OPRL1: variants seen among roughly 807,000 people sequenced by gnomAD.
OPRL1 encodes nociceptin receptor.
In OPRL1, 5 loss-of-function variants were observed where a neutral mutation model predicts 15.5. The observed-to-expected ratio is 0.32, with a 90% confidence interval of 0.17 to 0.68. OPRL1 has a LOEUF of 0.68. OPRL1 is among the 30% of genes least tolerant of loss of function. OPRL1 has a pLI of 0.72. For missense variants in OPRL1, 406 were observed against 515.3 expected, an observed-to-expected ratio of 0.79 and a Z score of 2.05; for synonymous variants, 223 against 230.2, an observed-to-expected ratio of 0.97 and a Z score of 0.28.
intron 1 of OPRL1, among the ~76,000 whole-genome samples, chr20:64,084,591 C>A (rs1362111915): frequency 6.6e-6 from 1 of 152,218 alleles, no homozygotes; most frequent in Admixed American, 6.5e-5. Flanking sequence ...CTAGGTGACG[C>A]CTGGGGGACC....
rs1220948028 is a variant in OPRL1 at position 64,092,885 on chromosome 20, G to A, written c.165G>A (p.Val55=). The A allele has an allele frequency of 1.2e-6, 2 of 1,612,766 alleles. No individual in the cohort carries two copies. Among genetic ancestry groups the A allele is most frequent in the East Asian group, 4.5e-5 (2 of 44,878 alleles). ...CCCTCGGGCTCAAGGTCACCATCGT[G>A]GGGCTCTACCTGGCCGTGTGTGTCG... ...FLPLGLKVTI[V]GLYLAVCVGG... The change falls in exon 3 of 5, where the codon GTG becomes GTA. Residue 55 remains valine (V), a synonymous_variant. Coordinates refer to ENST00000336866, the MANE Select transcript of OPRL1 (RefSeq NM_182647.4).
Position 64,083,929 on chromosome 20 carries a change from C to A in OPRL1, c.-185+3577C>A. 2.1e-6 allele frequency: 3 copies of A among 1,452,912 alleles called. No individual in the cohort carries two copies. Among genetic ancestry groups the A allele is most frequent in the Non-Finnish European group, 1.8e-6 (2 of 1,107,778 alleles). The allele number at this position is 1,452,912 out of a possible 1,614,324, so 90.0% of individuals were successfully genotyped here. ...GCTCGGCGGGCAGCTCGAGCGACTG[C>A]GTCCACGGGCGCGGGTCGGGCATGC... is the stretch of plus-strand genomic sequence containing the variant. On this transcript the variant is annotated intron_variant, in intron 1 of 4. Transcript: ENST00000336866. The surrounding 1 kb of genome is among the most constrained non-coding windows in gnomAD (Gnocchi z 4.9).
In OPRL1 at chr20:64,095,966, C is replaced by T. The variant is rs566212547; in HGVS notation, c.234-1836C>T. On this transcript the variant is annotated intron_variant, in intron 3 of 4. Transcript: ENST00000336866. ...TGTGTACATGTGTGTGCAGGTGATG[C>T]GTGGTCAGACGAGACAGTGGGAAGA... Among the ~76,000 whole-genome samples, 5 of 152,144 alleles carry T rather than the reference C, an allele frequency of 3.3e-5. No individual in the cohort carries two copies. The South Asian group carries it at 6.2e-4, about 19-fold the overall frequency.
chr20:64,084,058 C>A, intron 1 of OPRL1: 1 of 1,498,860 alleles, frequency 6.7e-7, no homozygotes. Context: ...GCGCAGGGAG[C>A]ATGGCCGCCA....
At chr20:64,086,982 G>T (rs2060059831) in intron 1 of OPRL1, among the ~76,000 whole-genome samples, 1 of 152,194 alleles carries the variant, frequency 6.6e-6, no homozygotes, top group South Asian at 2.1e-4. Flanking sequence ...GTCACTGGAT[G>T]AGAGTGAGGT....
chr20:64,091,797 G>C (rs2060120335), intron 1 of OPRL1, among the ~76,000 whole-genome samples, 169 bp from the exon 2 acceptor site: 1 of 115,714 alleles, frequency 8.6e-6, no homozygotes, highest in Non-Finnish European at 1.8e-5. Context: ...CTGTGGGTCT[G>C]AGCCTCCTTT....
Position 64,083,333 on chromosome 20 carries a change from C to T in OPRL1, c.-185+2981C>T. 2 of 1,546,290 alleles carry T rather than the reference C, an allele frequency of 1.3e-6. No individual in the cohort carries two copies. The highest frequency in any genetic ancestry group is 1.7e-4 in the Middle Eastern group (1 of 5,926). ...GAGGCAGCGTCCATACTCCCCGCTT[C>T]CCTCGGGGTCCTGGGGAGTGGCAGC... On this transcript the variant is annotated intron_variant, in intron 1 of 4. Transcript: ENST00000336866. The surrounding 1 kb of genome is among the most constrained non-coding windows in gnomAD (Gnocchi z 4.9).
rs561059613 is a variant in OPRL1, at chr20:64,099,120, C to T, written c.*321C>T. The T allele has an allele frequency of 2.5e-3, 967 of 389,860 alleles. 6 individuals are homozygous for T. Among genetic ancestry groups the T allele is most frequent in the Non-Finnish European group, 3.2e-3 (694 of 217,518 alleles). The allele number at this position is 389,860 out of a possible 1,614,324, so 24.2% of individuals were successfully genotyped here. A position where few individuals can be genotyped will look rare whatever the true frequency, so the allele number is the denominator to read the frequency against. On this transcript the variant is annotated 3_prime_UTR_variant, in exon 5 of 5. Coordinates refer to ENST00000336866, the MANE Select transcript of OPRL1 (RefSeq NM_182647.4). ...CTGGTGGACGGCCGTGACTGGAGCCCGTGCCCCTCCCTCCCCGTGCTTCAT... is the reference window on the plus strand; with the variant it reads ...CTGGTGGACGGCCGTGACTGGAGCCTGTGCCCCTCCCTCCCCGTGCTTCAT...
In OPRL1 at chr20:64,083,836, C is replaced by T; in HGVS notation, c.-185+3484C>T. The T allele has an allele frequency of 1.4e-6, 2 of 1,391,788 alleles. No homozygotes were observed. The highest frequency in any genetic ancestry group is 9.3e-7 in the Non-Finnish European group (1 of 1,079,834). 86.2% of individuals were successfully genotyped at this position (1,391,788 alleles called of 1,614,324 possible). ...GCCTCACCCGCATGCGGGTGTAGCGCAGCCGCAGGGCGCGGACTCGCCCGC... is the reference window on the plus strand; with the variant it reads ...GCCTCACCCGCATGCGGGTGTAGCGTAGCCGCAGGGCGCGGACTCGCCCGC... On this transcript the variant is annotated intron_variant, in intron 1 of 4. Transcript: ENST00000336866. The surrounding 1 kb of genome is among the most constrained non-coding windows in gnomAD (Gnocchi z 4.9).
chr20:64,087,934 C>A (rs1473156405), intron 1 of OPRL1, among the ~76,000 whole-genome samples: 1 of 152,244 alleles, frequency 6.6e-6, no homozygotes, highest in Non-Finnish European at 1.5e-5. Flanking sequence ...GGGAGCGTTT[C>A]TGGGTCCAGG....
chr20:64,096,732 CACT>C (rs1369406709), intron 3 of OPRL1, among the ~76,000 whole-genome samples: 14 of 151,468 alleles, frequency 9.2e-5, no homozygotes, highest in Non-Finnish European at 1.9e-4. Flanking sequence ...CCATCATCAC[CACT>C]ATCATCATCA....
intron 1 of OPRL1, among the ~76,000 whole-genome samples, chr20:64,081,956 G>T (rs1010579944): frequency 6.6e-6 from 1 of 152,184 alleles, no homozygotes; most frequent in Non-Finnish European, 1.5e-5. Flanking sequence ...AGCACTTGCT[G>T]CTGTGGGGTA....
intron 1 of OPRL1, among the ~76,000 whole-genome samples, chr20:64,081,516 C>G (rs75074210): frequency 0.063 from 9,585 of 152,220 alleles, 352 homozygotes; most frequent in South Asian, 0.16. Context: ...CCAGTCATTC[C>G]CCCGTCTCCT....
intron 1 of OPRL1, among the ~76,000 whole-genome samples, chr20:64,088,909 C>A (rs112941835): frequency 9.5e-5 from 14 of 147,246 alleles, no homozygotes; most frequent in Admixed American, 2.0e-4. Flanking sequence ...AGGGTCTGTG[C>A]AGAGTGGCCA....
At chr20:64,082,795 A>T (rs1370811010) in intron 1 of OPRL1, among the ~76,000 whole-genome samples, 1 of 80,252 alleles carries the variant, frequency 1.2e-5, no homozygotes, top group Non-Finnish European at 2.2e-5. Flanking sequence ...TGCATGCGTG[A>T]GTGTGTGTGG....
intron 1 of OPRL1, among the ~76,000 whole-genome samples, chr20:64,081,067 A>G (rs2059961434): frequency 7.6e-6 from 1 of 131,768 alleles, no homozygotes; most frequent in African/African-American, 2.9e-5. Context: ...GGGAGCAGGC[A>G]GGGAAGGCCT....
At chr20:64,093,305 A>G (rs1420097405) in intron 3 of OPRL1, among the ~76,000 whole-genome samples, 4 of 149,950 alleles carry the variant, frequency 2.7e-5, no homozygotes, top group Non-Finnish European at 5.9e-5. Context: ...TTTTCAGCCC[A>G]TTCCCTAGAT....
At chr20:64,084,235 A>T (rs1198550647) in intron 1 of OPRL1, 13 of 1,368,316 alleles carry the variant, frequency 9.5e-6, no homozygotes, top group Non-Finnish European at 1.2e-5. Flanking sequence ...CGCCCTGCGG[A>T]GGGAGGAGGG....
rs1979514588 is a variant in OPRL1, at chr20:64,098,771, C to T, written c.1085C>T (p.Thr362Ile). ...IAKDVALACK[T>I]SETVPRPA ...AAGGACGTGGCCCTGGCCTGCAAGA[C>T]CTCTGAGACGGTACCGCGGCCCGCA... The change falls in exon 5 of 5, where the codon ACC (threonine) becomes ATC (isoleucine). Residue 362 changes from threonine (T) to isoleucine (I), a missense_variant. Coordinates refer to ENST00000336866, the MANE Select transcript of OPRL1 (RefSeq NM_182647.4). 2 of 1,603,964 alleles carry T rather than the reference C, an allele frequency of 1.2e-6. No homozygotes were observed. The highest frequency in any genetic ancestry group is 1.3e-5 in the African/African-American group (1 of 74,906).
Sources: allele counts gnomAD v4.1 joint callset (sites outside exome capture counted in the v4.1 genomes callset), GRCh38; gene constraint gnomAD v4.1.1; non-coding constraint Gnocchi (gnomAD v3.1); transcripts MANE v1.5; gene names NCBI Gene and HGNC (gene_info 2026-07-23, HGNC 2026-07-21).